The following C1orf21 variants were observed in gnomAD, a reference collection of about 807,000 sequenced individuals.
C1orf21 encodes the protein chromosome 1 open reading frame 21.
In C1orf21, 3 loss-of-function variants were observed where a neutral mutation model predicts 18.7. That is an observed-to-expected ratio of 0.16 (90% CI 0.07 to 0.42). The LOEUF is 0.42. C1orf21 is among the 10% of genes least tolerant of loss of function. The pLI is 0.99. For missense variants in C1orf21, 104 were observed against 143.6 expected, an observed-to-expected ratio of 0.72 and a Z score of 1.41; for synonymous variants, 41 against 46.4, an observed-to-expected ratio of 0.88 and a Z score of 0.47.
At chr1:184,415,905 A>T (rs762359321) in intron 1 of C1orf21, among the ~76,000 whole-genome samples, 3 of 152,216 alleles carry the variant, frequency 2.0e-5, no homozygotes, top group Non-Finnish European at 4.4e-5. Flanking sequence ...ATTGCAAAAG[A>T]AACTTTTTCT....
chr1:184,416,911 A>G (rs965340500), intron 1 of C1orf21, among the ~76,000 whole-genome samples: 2 of 152,220 alleles, frequency 1.3e-5, no homozygotes, highest in African/African-American at 4.8e-5. Flanking sequence ...TTTGTTTTAA[A>G]ACAAAAATTG....
At chr1:184,488,675 A>T (rs1275024494) in intron 2 of C1orf21, among the ~76,000 whole-genome samples, 4 of 152,206 alleles carry the variant, frequency 2.6e-5, no homozygotes, top group African/African-American at 9.6e-5. Flanking sequence ...GTCAAATAAG[A>T]AACTGTAGGC....
chr1:184,463,935 T>C (rs1209129512), intron 1 of C1orf21, among the ~76,000 whole-genome samples: 2 of 152,172 alleles, frequency 1.3e-5, no homozygotes, highest in Non-Finnish European at 2.9e-5. Flanking sequence ...GTTCTGGACC[T>C]TGAAGGTTGG....
At chr1:184,598,617 A>C (rs1161436629) in intron 5 of C1orf21, among the ~76,000 whole-genome samples, 156 bp downstream of exon 5, 1 of 152,182 alleles carries the variant, frequency 6.6e-6, no homozygotes, top group Non-Finnish European at 1.5e-5. Flanking sequence ...TCCAAAATAA[A>C]GTGCATGTGA....
intron 1 of C1orf21, among the ~76,000 whole-genome samples, chr1:184,424,206 T>G (rs1187997935): frequency 9.2e-5 from 14 of 152,198 alleles, no homozygotes; most frequent in Admixed American, 8.5e-4. Context: ...TTCCTTGTCT[T>G]CTCTGTGGAA....
intron 1 of C1orf21, among the ~76,000 whole-genome samples, chr1:184,398,919 C>T (rs1343070260): frequency 6.6e-6 from 1 of 152,106 alleles, no homozygotes; most frequent in Non-Finnish European, 1.5e-5. Flanking sequence ...GTATGTATTT[C>T]TAAAAGATAC....
rs908900553 is a variant in C1orf21 at position 184,420,593 on chromosome 1, T to C, written c.-125+33225T>C. ...AATAAATAGTTTGGTAGGCTTGCCT[T>C]ACTATGAGGCCTTTTCATTTTTAAC... On this transcript the variant is annotated intron_variant, in intron 1 of 5. Transcript: ENST00000235307. Among the ~76,000 whole-genome samples, 3 of 152,318 alleles carry C rather than the reference T, an allele frequency of 2.0e-5. No homozygotes were observed. In the East Asian group the frequency reaches 5.8e-4, roughly 29 times the overall value.
intron 3 of C1orf21, among the ~76,000 whole-genome samples, chr1:184,568,086 T>C (rs911645456): frequency 5.9e-5 from 9 of 152,198 alleles, no homozygotes; most frequent in Non-Finnish European, 1.2e-4. Context: ...TGTTCACCAT[T>C]TTAAAACCCT....
At chr1:184,508,018 CAT>C (rs1658091607) in intron 3 of C1orf21, among the ~76,000 whole-genome samples, 1 of 152,146 alleles carries the variant, frequency 6.6e-6, no homozygotes, top group South Asian at 2.1e-4. Flanking sequence ...TCTTCTAACT[CAT>C]ATCCAAATCA....
chr1:184,521,392 A>G (rs763634404), intron 3 of C1orf21, among the ~76,000 whole-genome samples: 16 of 152,196 alleles, frequency 1.1e-4, no homozygotes, highest in Non-Finnish European at 1.6e-4. Flanking sequence ...GTGTCCTTCA[A>G]TAGATGAGTG....
intron 1 of C1orf21, among the ~76,000 whole-genome samples, chr1:184,460,696 C>CT (rs1395420857): frequency 1.9e-4 from 22 of 117,486 alleles, no homozygotes; most frequent in Non-Finnish European, 3.7e-4. Context: ...TTTCTTCTTT[C>CT]TTTTTTTCTC....
rs1659425591 is a variant in C1orf21 at position 184,590,774 on chromosome 1, T to G, written c.225T>G (p.Thr75=). Residue 75 remains threonine (T), a synonymous_variant, in exon 4 of 6, where the codon ACT becomes ACG. Transcript: ENST00000235307. ...KSASSNVRLK[T]NKEVPGLVHQ... Reference sequence around the variant, plus strand: ...CCAGCTCAAATGTAAGACTTAAAACTAATAAAGAGGTTCCGGGATTAGTTC... The same window carrying G: ...CCAGCTCAAATGTAAGACTTAAAACGAATAAAGAGGTTCCGGGATTAGTTC... The G allele has an allele frequency of 1.2e-6, 2 of 1,614,140 alleles. No homozygotes were observed. Among genetic ancestry groups the G allele is most frequent in the East Asian group, 4.5e-5 (2 of 44,868 alleles).
intron 1 of C1orf21, among the ~76,000 whole-genome samples, chr1:184,456,640 G>C (rs1024307541): frequency 6.7e-6 from 1 of 149,598 alleles, no homozygotes; most frequent in Non-Finnish European, 1.5e-5. Flanking sequence ...GATAGCACAG[G>C]TGCCAGATTT....
Position 184,594,363 on chromosome 1 carries a change from GAGTTA to G in C1orf21, c.266+3553_266+3557del, listed in dbSNP as rs562596412. ...TCTCAGGATTTCTGGCTGGGCCTGA[GAGTTA>G]AGTTGACATGAGACAGATTTAACAG... On this transcript the variant is annotated intron_variant, in intron 4 of 5. Transcript: ENST00000235307. Among the ~76,000 whole-genome samples the G allele has an allele frequency of 1.6e-3, 250 of 152,280 alleles. 1 individual carries two copies. Among genetic ancestry groups the G allele is most frequent in the African/African-American group, 4.2e-3 (175 of 41,540 alleles).
intron 3 of C1orf21, among the ~76,000 whole-genome samples, chr1:184,558,374 C>T (rs1407463551): frequency 1.3e-5 from 2 of 152,178 alleles, no homozygotes; most frequent in Admixed American, 1.3e-4. Context: ...TTGATCTTGA[C>T]AAGGTGAAAA....
intron 1 of C1orf21, among the ~76,000 whole-genome samples, chr1:184,415,658 G>A (rs1656438273): frequency 6.6e-6 from 1 of 152,138 alleles, no homozygotes; most frequent in African/African-American, 2.4e-5. Context: ...ATGGAGTGAA[G>A]CTCAATGAAG....
chr1:184,478,212 T>G (rs1021792172), intron 2 of C1orf21, among the ~76,000 whole-genome samples: 1 of 151,970 alleles, frequency 6.6e-6, no homozygotes, highest in Non-Finnish European at 1.5e-5. Flanking sequence ...GATTTATAAA[T>G]GAGGGAGTGA....
rs35574574 is a variant in C1orf21 at position 184,559,589 on chromosome 1, C to CCCTTCCTTCCTTCCTT, written c.190-31142_190-31127dup. ...TCTTCCCCTCCCTCCCTCTCTTCCTCCCTTCCTTCCTTCCTTCCTTCCTCC... is the reference window on the plus strand; with the variant it reads ...TCTTCCCCTCCCTCCCTCTCTTCCTCCCTTCCTTCCTTCCTTCCTTCCTTCCTTCCTTCCTTCCTCC... On this transcript the variant is annotated intron_variant, in intron 3 of 5. Transcript: ENST00000235307. Among the ~76,000 whole-genome samples the CCCTTCCTTCCTTCCTT allele has an allele frequency of 4.1e-5, 4 of 98,656 alleles. No individual in the cohort carries two copies. The East Asian group carries it at 1.1e-3, about 26-fold the overall frequency. 64.7% of individuals were successfully genotyped at this position (98,656 alleles called of 152,430 possible).
chr1:184,442,359 C>G (rs781376217), intron 1 of C1orf21, among the ~76,000 whole-genome samples: 1 of 152,086 alleles, frequency 6.6e-6, no homozygotes, highest in Non-Finnish European at 1.5e-5. Context: ...GTCACTTTGC[C>G]CCTCTGAGTT....
Sources: allele counts gnomAD v4.1 joint callset (sites outside exome capture counted in the v4.1 genomes callset), GRCh38; gene constraint gnomAD v4.1.1; transcripts MANE v1.5; gene names NCBI Gene and HGNC (gene_info 2026-07-23, HGNC 2026-07-21).